Variants in TVP23C observed in about 807,000 individuals in gnomAD.
The protein encoded by TVP23C is trans-golgi network vesicle protein 23 homolog C.
Under a neutral mutation model 28.7 loss-of-function variants are expected in TVP23C, and 19 were observed. The ratio of observed to expected loss-of-function variants is 0.66; its 90% CI spans 0.46 to 0.97. The LOEUF is 0.97. TVP23C is among the 50% of genes least tolerant of loss of function. The pLI is 0.00. For missense variants in TVP23C, 186 were observed against 241.3 expected (o/e 0.77, Z 1.52); for synonymous variants, 68 against 81.7 (o/e 0.83, Z 0.90).
At chr17:15,521,977 T>C (rs533522275) in intron 5 of TVP23C, among the ~76,000 whole-genome samples, 51 of 152,292 alleles carry the variant, frequency 3.3e-4, no homozygotes, top group Admixed American at 1.0e-3. Flanking sequence ...AGTTTCTTAT[T>C]GGGTGGGACA....
chr17:15,544,292 T>C (rs1168081697), intron 5 of TVP23C, among the ~76,000 whole-genome samples: 1 of 152,192 alleles, frequency 6.6e-6, no homozygotes, highest in Non-Finnish European at 1.5e-5. Flanking sequence ...AACCAATAAG[T>C]AAAAGGAGAA....
At chr17:15,524,273 T>C (rs1216583964) in intron 5 of TVP23C, among the ~76,000 whole-genome samples, 3 of 152,156 alleles carry the variant, frequency 2.0e-5, no homozygotes, top group East Asian at 1.9e-4. Flanking sequence ...TTATAATTCA[T>C]TGAGAGTACC....
intron 5 of TVP23C, chr17:15,506,945 A>G: frequency 8.3e-7 from 1 of 1,201,744 alleles, no homozygotes; most frequent in Non-Finnish European, 1.2e-6. Context: ...CTGTTTGCAA[A>G]CAAGATTCCA....
exon 6 of TVP23C, chr17:15,502,793 C>CCT: frequency 2.7e-6 from 4 of 1,473,048 alleles, no homozygotes; most frequent in African/African-American, 1.5e-5. Flanking sequence ...CTCCCTCTCT[C>CCT]CTCTCTCCTC....
chr17:15,502,611 C>A (rs781241963), exon 6 of TVP23C: 1 of 510,348 alleles, frequency 2.0e-6, no homozygotes, highest in Admixed American at 4.2e-5. Context: ...GTGCTGGGGG[C>A]TGCTTGGCCA....
At chr17:15,556,209 G>A (rs1341907794) in intron 1 of TVP23C, among the ~76,000 whole-genome samples, 7 of 152,228 alleles carry the variant, frequency 4.6e-5, no homozygotes, top group East Asian at 3.9e-4. Context: ...GAGCCACCAC[G>A]CCTGGCCTCT....
intron 5 of TVP23C, among the ~76,000 whole-genome samples, chr17:15,526,047 T>G (rs1427982289): frequency 6.6e-6 from 1 of 152,246 alleles, no homozygotes; most frequent in Non-Finnish European, 1.5e-5. Context: ...AACTCATGTT[T>G]GTCTGCACTG....
rs371852631 is a variant in TVP23C, at chr17:15,519,883, C to T, written c.463-16651G>A. Among the ~76,000 whole-genome samples the T allele has an allele frequency of 1.8e-4, 27 of 152,338 alleles. No homozygotes were observed. In the East Asian group the frequency reaches 4.2e-3, roughly 24 times the overall value. ...CGCCACTGCACTCCAGCTGGGGCAA[C>T]AGAGCGAGACTCCGTCTCAAACAAA... On this transcript the variant is annotated intron_variant, in intron 5 of 5. Transcript: ENST00000225576.
At chr17:15,531,829 G>A (rs1166851842) in intron 5 of TVP23C, among the ~76,000 whole-genome samples, 1 of 152,078 alleles carries the variant, frequency 6.6e-6, no homozygotes, top group Non-Finnish European at 1.5e-5. Flanking sequence ...CACATCTTTT[G>A]TTGTTGTTGA....
At chr17:15,543,654 T>C (rs1012323663) in intron 5 of TVP23C, among the ~76,000 whole-genome samples, 7 of 150,878 alleles carry the variant, frequency 4.6e-5, no homozygotes, top group Admixed American at 4.0e-4. Flanking sequence ...CCCCATTACT[T>C]TGTATCATTA....
chr17:15,530,002 T>C (rs1424869581), intron 5 of TVP23C, among the ~76,000 whole-genome samples: 1 of 152,198 alleles, frequency 6.6e-6, no homozygotes, highest in Admixed American at 6.5e-5. Flanking sequence ...TTTCACCATG[T>C]TGGCCAGGCT....
intron 5 of TVP23C, among the ~76,000 whole-genome samples, chr17:15,518,879 C>T (rs1256669329): frequency 6.6e-6 from 1 of 152,154 alleles, no homozygotes; most frequent in Non-Finnish European, 1.5e-5. Context: ...TTGTAATCCC[C>T]ACGTGTCGAG....
At chr17:15,519,703 C>A (rs1982390295) in intron 5 of TVP23C, among the ~76,000 whole-genome samples, 1 of 152,004 alleles carries the variant, frequency 6.6e-6, no homozygotes, top group South Asian at 2.1e-4. Context: ...GAGGTCAGAA[C>A]ATCCAGACCA....
At position 15,538,387 on chromosome 17, in the gene TVP23C, G is replaced by A. The variant is rs950023844; in HGVS notation, c.*2025C>T. ...GGGTGGATCATGAGGTCAGGAGATC[G>A]AGACCCTCCTGGCTAACACAGTGAA... On this transcript the variant is annotated 3_prime_UTR_variant, in exon 6 of 6. Coordinates refer to ENST00000518321, the MANE Select transcript of TVP23C (RefSeq NM_001135036.2). The A allele has an allele frequency of 1.0e-4, 86 of 830,802 alleles. No individual in the cohort carries two copies. Among genetic ancestry groups the A allele is most frequent in the Non-Finnish European group, 1.2e-4 (83 of 689,338 alleles). The allele number at this position is 830,802 out of a possible 1,614,324, so 51.5% of individuals were successfully genotyped here. A position where few individuals can be genotyped will look rare whatever the true frequency, so the allele number is the denominator to read the frequency against.
downstream of TVP23C, among the ~76,000 whole-genome samples, chr17:15,532,034 T>A (rs1180324249): frequency 1.3e-5 from 2 of 152,112 alleles, no homozygotes; most frequent in Non-Finnish European, 2.9e-5. Context: ...TTGGTTACTT[T>A]AGTCTTGAGC....
exon 6 of TVP23C, chr17:15,502,338 T>C (rs1364628975): frequency 6.6e-6 from 1 of 152,328 alleles, no homozygotes; most frequent in East Asian, 1.9e-4. Context: ...AGATAATTTC[T>C]GGAATTGGAT....
In TVP23C at chr17:15,503,069, G is replaced by A. The variant is rs368936432; in HGVS notation, c.626C>T (p.Thr209Met). Residue 209 changes from threonine (T) to methionine (M), a missense_variant, in exon 6 of 6, where the codon ACG (threonine) becomes ATG (methionine). By Grantham distance (81) the Thr-to-Met change is moderately conservative. Coordinates refer to the TVP23C transcript ENST00000225576. Reference sequence around the variant, plus strand: ...AGGTTTCCAGTAAAGAGCTCGATCCGTGATCCTCGTGAAAGAATTAATGTC... The same window carrying A: ...AGGTTTCCAGTAAAGAGCTCGATCCATGATCCTCGTGAAAGAATTAATGTC... The A allele has an allele frequency of 2.5e-6, 4 of 1,613,988 alleles. No individual in the cohort carries two copies. In the African/African-American group the frequency reaches 5.3e-5, roughly 22 times the overall value.
At chr17:15,557,668 T>C (rs1311928040) in intron 1 of TVP23C, among the ~76,000 whole-genome samples, 1 of 142,330 alleles carries the variant, frequency 7.0e-6, no homozygotes, top group Non-Finnish European at 1.6e-5. Context: ...ACAGTATTTG[T>C]TGAAGGCATG....
In TVP23C at chr17:15,553,787, A is replaced by G; in HGVS notation, c.138T>C (p.Ser46=). ...CACAGAGAAGACAGACGATGATTGC[A>G]CTGACTCGAAAGAATAAGTGGAAAA... ...ASFFHLFFRV[S]AIIVCLLCEL... is the part of the protein sequence containing the mutation. The change falls in exon 3 of 6, where the codon AGT becomes AGC. Residue 46 remains serine, a synonymous_variant. Transcript: ENST00000518321. 2 of 1,613,982 alleles carry G rather than the reference A, an allele frequency of 1.2e-6. No individual in the cohort carries two copies. Among genetic ancestry groups the G allele is most frequent in the Non-Finnish European group, 1.7e-6 (2 of 1,179,866 alleles).
Sources: gnomAD v4.1 joint callset for allele counts (sites outside exome capture counted in the v4.1 genomes callset) on GRCh38, gnomAD v4.1.1 for gene constraint, MANE v1.5 for transcripts, NCBI Gene and HGNC (gene_info 2026-07-23, HGNC 2026-07-21) for gene names.